NEGR1: variants seen among roughly 807,000 people sequenced by gnomAD.
NEGR1 encodes the protein neuronal growth regulator 1.
In NEGR1, 10 loss-of-function variants were observed where a neutral mutation model predicts 40.9. The observed-to-expected ratio is 0.24, with a 90% CI of 0.15 to 0.42. NEGR1 has a LOEUF of 0.42. Among genes scored for constraint, NEGR1 ranks in the 10% least tolerant of loss-of-function variants. The pLI is 1.00. For missense variants in NEGR1, 352 were observed against 438.9 expected (o/e 0.80, Z 1.77); for synonymous variants, 185 against 166.8 (o/e 1.11, Z -0.84).
chr1:71,793,095 C>T (rs1485001267), intron 2 of NEGR1, among the ~76,000 whole-genome samples: 2 of 147,944 alleles, frequency 1.4e-5, no homozygotes, highest in Admixed American at 1.4e-4. Flanking sequence ...TTGGAAATCA[C>T]ATATTGAAGA....
chr1:71,517,535 G>T (rs199653141), intron 6 of NEGR1, among the ~76,000 whole-genome samples: 3 of 140,456 alleles, frequency 2.1e-5, no homozygotes, highest in Non-Finnish European at 3.0e-5. Context: ...AACCCTTCAT[G>T]CTAAAAACTC....
At chr1:71,409,601 T>A (rs1269580085) in intron 6 of NEGR1, among the ~76,000 whole-genome samples, 1 of 152,048 alleles carries the variant, frequency 6.6e-6, no homozygotes, top group Admixed American at 6.5e-5. Context: ...TACCATGAAA[T>A]ATATATTATA....
intron 1 of NEGR1, among the ~76,000 whole-genome samples, chr1:71,989,142 T>C (rs1414770353): frequency 1.3e-5 from 2 of 152,010 alleles, no homozygotes; most frequent in Non-Finnish European, 2.9e-5. Context: ...GAAAGTGGAA[T>C]GAAAAGAGGT....
At chr1:71,502,855 T>C (rs2101403436) in intron 6 of NEGR1, among the ~76,000 whole-genome samples, 1 of 151,856 alleles carries the variant, frequency 6.6e-6, no homozygotes, top group Middle Eastern at 3.4e-3. Context: ...AAGTGCAGAG[T>C]CCCAATCCAT....
At position 71,957,850 on chromosome 1, in the gene NEGR1, C is replaced by T. The variant is rs371459357; in HGVS notation, c.177-22539G>A. ...TGACATTTTATAATCTGACCTATTT[C>T]GGCTTTCCAGCCATTTCTCCTAGAA... is the stretch of plus-strand genomic sequence containing the variant. On this transcript the variant is annotated intron_variant, in intron 1 of 6. Coordinates refer to ENST00000357731, the MANE Select transcript of NEGR1 (RefSeq NM_173808.3). Among the ~76,000 whole-genome samples, 6 of 152,230 alleles carry T rather than the reference C, an allele frequency of 3.9e-5. No homozygotes were observed. In the East Asian group the frequency reaches 1.2e-3, roughly 29 times the overall value.
intron 3 of NEGR1, among the ~76,000 whole-genome samples, chr1:71,768,226 AG>A (rs1656197184): frequency 1.3e-5 from 2 of 152,158 alleles, no homozygotes; most frequent in South Asian, 4.1e-4. Flanking sequence ...CACCTGGAAA[AG>A]CAGCAACCAC....
chr1:72,101,856 C>A (rs975579914), intron 1 of NEGR1, among the ~76,000 whole-genome samples: 12 of 152,090 alleles, frequency 7.9e-5, no homozygotes, highest in African/African-American at 2.7e-4. Context: ...AAATTGCTAC[C>A]AGTTTTATAG....
At chr1:72,076,432 G>C (rs576510288) in intron 1 of NEGR1, among the ~76,000 whole-genome samples, 6 of 152,164 alleles carry the variant, frequency 3.9e-5, no homozygotes, top group African/African-American at 1.4e-4. Flanking sequence ...CATTTCTGTT[G>C]CTTATAAGCT....
At chr1:72,082,283 A>G (rs534073382) in intron 1 of NEGR1, among the ~76,000 whole-genome samples, 3 of 152,280 alleles carry the variant, frequency 2.0e-5, no homozygotes, top group South Asian at 4.1e-4. Context: ...AGCTATTATT[A>G]TGCACACAAT....
At chr1:71,790,553 T>C (rs1314920230) in intron 2 of NEGR1, among the ~76,000 whole-genome samples, 4 of 151,878 alleles carry the variant, frequency 2.6e-5, no homozygotes, top group Non-Finnish European at 4.4e-5. Context: ...GAGAAGAGTA[T>C]TTGCATTTGC....
At chr1:71,844,488 A>T (rs1659338639) in intron 2 of NEGR1, among the ~76,000 whole-genome samples, 1 of 152,166 alleles carries the variant, frequency 6.6e-6, no homozygotes, top group Non-Finnish European at 1.5e-5. Flanking sequence ...AATGACCTAA[A>T]TCTTACTGGT....
At chr1:71,524,097 G>A (rs1179832487) in intron 6 of NEGR1, among the ~76,000 whole-genome samples, 1 of 151,652 alleles carries the variant, frequency 6.6e-6, no homozygotes, top group Non-Finnish European at 1.5e-5. Flanking sequence ...TTTGCTTGTT[G>A]GCTTTTACAG....
At chr1:71,479,512 G>A (rs1646841205) in intron 6 of NEGR1, among the ~76,000 whole-genome samples, 1 of 151,890 alleles carries the variant, frequency 6.6e-6, no homozygotes, top group Non-Finnish European at 1.5e-5. Context: ...TTCCGGACAG[G>A]CTAAATATTT....
intron 2 of NEGR1, among the ~76,000 whole-genome samples, chr1:71,796,420 G>GA: frequency 6.6e-6 from 1 of 152,194 alleles, no homozygotes; most frequent in African/African-American, 2.4e-5. Context: ...TCTCTCTTTA[G>GA]AAAAAATAAT....
At chr1:71,477,227 C>T (rs1646827377) in intron 6 of NEGR1, 1 of 152,074 alleles carries the variant, frequency 6.6e-6, no homozygotes, top group Non-Finnish European at 1.5e-5. Flanking sequence ...GCAGATATTT[C>T]AAAGACTACT....
chr1:71,698,065 T>C lies in NEGR1; in HGVS notation c.610A>G (p.Ser204Gly). ...GGGAATGACACATCATTTTCCGCAC[T>C]GCATTCATATTCCCCAGCCTGGTCC... ...TRDQAGEYEC[S>G]AENDVSFPDV... The change falls in exon 4 of 7, where the codon AGT (serine) becomes GGT (glycine). Residue 204 changes from serine (S) to glycine (G), a missense_variant. Transcript: ENST00000357731. 2 of 1,611,384 alleles carry C rather than the reference T, an allele frequency of 1.2e-6. No individual in the cohort carries two copies. The highest frequency in any genetic ancestry group is 1.7e-6 in the Non-Finnish European group (2 of 1,178,068).
chr1:72,184,079 T>C (rs1652516320), intron 1 of NEGR1, among the ~76,000 whole-genome samples: 3 of 152,132 alleles, frequency 2.0e-5, no homozygotes, highest in African/African-American at 7.2e-5. Flanking sequence ...TTTTTCTTAG[T>C]TGTCTTGACA....
chr1:72,256,211 C>A (rs886251002), intron 1 of NEGR1, among the ~76,000 whole-genome samples: 1 of 152,156 alleles, frequency 6.6e-6, no homozygotes, highest in African/African-American at 2.4e-5. Context: ...AGATTTTCAC[C>A]TTTTCAACTG....
At chr1:72,169,381 A>G (rs1310033878) in intron 1 of NEGR1, among the ~76,000 whole-genome samples, 3 of 152,170 alleles carry the variant, frequency 2.0e-5, no homozygotes, top group Non-Finnish European at 2.9e-5. Context: ...AGCTTAATAA[A>G]CAATTTATTA....
Sources: allele counts gnomAD v4.1 joint callset (sites outside exome capture counted in the v4.1 genomes callset), GRCh38; gene constraint gnomAD v4.1.1; transcripts MANE v1.5; gene names NCBI Gene and HGNC (gene_info 2026-07-23, HGNC 2026-07-21).